The following PUM2 variants were observed in gnomAD, a reference collection of about 807,000 sequenced individuals.
The protein encoded by PUM2 is pumilio RNA binding family member 2.
Under a neutral mutation model 124.5 loss-of-function variants are expected in PUM2, and 57 were observed. That is an observed-to-expected ratio of 0.46 (90% CI 0.37 to 0.57). The LOEUF is 0.57. Ranked by LOEUF, PUM2 falls within the 20% of genes least tolerant of loss-of-function variation. The pLI is 0.00. For synonymous variants in PUM2, 460 were observed against 446.1 expected, an observed-to-expected ratio of 1.03 and a Z score of -0.39; for missense variants, 1,065 against 1,290.6, an observed-to-expected ratio of 0.83 and a Z score of 2.68.
Position 20,350,662 on chromosome 2 carries a change from C to G in PUM2, c.-84G>C, listed in dbSNP as rs1246554916. The stretch of plus-strand genomic sequence containing the variant: ...CCGTTGGGCACACGGCGGCGTCGCT[C>G]TTGGCGGTCCTCCCCCTCCTCCGCC... On this transcript the variant is annotated 5_prime_UTR_variant, in exon 1 of 21. Transcript: ENST00000361078. The G allele has an allele frequency of 1.0e-6, 1 of 985,386 alleles. No homozygotes were observed. The highest frequency in any genetic ancestry group is 1.2e-6 in the Non-Finnish European group (1 of 830,034). 61.0% of individuals were successfully genotyped at this position (985,386 alleles called of 1,614,324 possible).
intron 10 of PUM2, among the ~76,000 whole-genome samples, chr2:20,286,304 T>C (rs1446910755): frequency 1.3e-5 from 2 of 152,210 alleles, no homozygotes; most frequent in East Asian, 1.9e-4. Flanking sequence ...AGAAAGGTAG[T>C]TGAATTCGGA....
chr2:20,339,881 G>GAA (rs974006446), intron 1 of PUM2, among the ~76,000 whole-genome samples: 4 of 151,926 alleles, frequency 2.6e-5, no homozygotes, highest in Non-Finnish European at 4.4e-5. Flanking sequence ...GGCGATGAGT[G>GAA]AAACTCCATC....
chr2:20,273,218 A>G (rs1017377931), intron 13 of PUM2, among the ~76,000 whole-genome samples: 1 of 152,250 alleles, frequency 6.6e-6, no homozygotes, highest in Non-Finnish European at 1.5e-5. Flanking sequence ...TGTGCTGACT[A>G]TGCAAAGTAT....
At chr2:20,291,834 C>A (rs1674173887) in intron 9 of PUM2, among the ~76,000 whole-genome samples, 2 of 152,078 alleles carry the variant, frequency 1.3e-5, no homozygotes, top group Non-Finnish European at 2.9e-5. Context: ...TGTTTGTCGC[C>A]CATTTGGTGA....
intron 1 of PUM2, among the ~76,000 whole-genome samples, chr2:20,334,258 G>A (rs1248571994): frequency 6.6e-6 from 1 of 152,130 alleles, no homozygotes. Flanking sequence ...ACTGCAGTGA[G>A]CCATGGTCCG....
intron 20 of PUM2, among the ~76,000 whole-genome samples, chr2:20,251,943 T>G (rs1663466610): frequency 6.6e-6 from 1 of 152,168 alleles, no homozygotes; most frequent in South Asian, 2.1e-4. Context: ...CTATGTCACG[T>G]GGAAACAGGC....
In PUM2 at chr2:20,251,509, T is replaced by C. The variant is rs1391679268; in HGVS notation, c.*76A>G. 11 of 1,471,676 alleles carry C rather than the reference T, an allele frequency of 7.5e-6. No individual in the cohort carries two copies. The highest frequency in any genetic ancestry group is 9.2e-6 in the Non-Finnish European group (10 of 1,087,130). The allele number at this position is 1,471,676 out of a possible 1,614,324, so 91.2% of individuals were successfully genotyped here. On this transcript the variant is annotated 3_prime_UTR_variant, in exon 21 of 21. Transcript: ENST00000361078. The stretch of plus-strand genomic sequence containing the variant: ...AAAAAATTGAAGATTCATAGTTGAG[T>C]TGTGTTTTGATAATTCACACACAAA...
At chr2:20,300,038 G>A (rs570907485) in intron 7 of PUM2, among the ~76,000 whole-genome samples, 1 of 152,344 alleles carries the variant, frequency 6.6e-6, no homozygotes, top group East Asian at 1.9e-4. Flanking sequence ...AGAGAGAATA[G>A]ACTCTGTTCC....
At chr2:20,268,218 G>A (rs1476008728) in intron 13 of PUM2, among the ~76,000 whole-genome samples, 1 of 152,102 alleles carries the variant, frequency 6.6e-6, no homozygotes, top group Non-Finnish European at 1.5e-5. Context: ...CCACCTGAAG[G>A]ATATTCTGAT....
intron 12 of PUM2, among the ~76,000 whole-genome samples, chr2:20,281,549 C>A (rs1671527595): frequency 6.6e-6 from 1 of 152,118 alleles, no homozygotes; most frequent in Non-Finnish European, 1.5e-5. Flanking sequence ...TTTTATGTTA[C>A]TTGTTCTTCC....
intron 1 of PUM2, among the ~76,000 whole-genome samples, chr2:20,344,475 C>A (rs975696152): frequency 1.3e-5 from 2 of 152,198 alleles, no homozygotes; most frequent in Non-Finnish European, 2.9e-5. Context: ...TCTATATCTT[C>A]CTAAATTATA....
In PUM2 at chr2:20,308,345, A is replaced by G. The variant is rs752060477; in HGVS notation, c.758T>C (p.Val253Ala). ...QVPMDSSGAT[V>A]GLFDYNSQQQ... is the part of the protein sequence containing the mutation. ...CTGGGAATTGTAGTCAAAAAGGCCTACAGTAGCTCCTGAAGAGTCCATTGG... is the reference window on the plus strand; with the variant it reads ...CTGGGAATTGTAGTCAAAAAGGCCTGCAGTAGCTCCTGAAGAGTCCATTGG... The change falls in exon 6 of 21, where the codon GTA (valine) becomes GCA (alanine). Residue 253 changes from valine (V) to alanine (A), a missense_variant. Val to Ala is a moderately conservative substitution (Grantham distance 64). This residue lies in a region of PUM2 where 968 missense variants were observed against 1,159.8 expected (regional missense o/e 0.83). Transcript: ENST00000361078. 6.2e-7 allele frequency: 1 copy of G among 1,614,010 alleles called. No individual in the cohort carries two copies. The highest frequency in any genetic ancestry group is 1.3e-5 in the African/African-American group (1 of 75,060).
chr2:20,311,491 T>C lies in PUM2; in HGVS notation c.518+3A>G. The C allele has an allele frequency of 6.2e-7, 1 of 1,601,850 alleles. No individual in the cohort carries two copies. Among genetic ancestry groups the C allele is most frequent in the Non-Finnish European group, 8.5e-7 (1 of 1,175,226 alleles). On this transcript the variant is annotated splice_donor_region_variant and intron_variant, in intron 5 of 20. Coordinates refer to ENST00000361078, the MANE Select transcript of PUM2 (RefSeq NM_015317.5). The stretch of plus-strand genomic sequence containing the variant: ...TTTCTTCTTGAGAAAGTTAAAATCT[T>C]ACTTAAAATCTTTGCAATCGGCATC...
intron 7 of PUM2, 95 bp from the exon 8 acceptor site, chr2:20,297,773 T>G: frequency 9.9e-6 from 12 of 1,215,784 alleles, no homozygotes; most frequent in East Asian, 2.6e-5. Flanking sequence ...TGGGGTGGTG[T>G]GGGGGTGGGG....
At chr2:20,345,322 C>A (rs1353839820) in intron 1 of PUM2, among the ~76,000 whole-genome samples, 2 of 151,942 alleles carry the variant, frequency 1.3e-5, no homozygotes, top group Admixed American at 1.3e-4. Context: ...GCTGGCCAGG[C>A]TGGTCTTGAA....
intron 1 of PUM2, among the ~76,000 whole-genome samples, chr2:20,329,621 C>G (rs1361101834): frequency 6.6e-6 from 1 of 152,090 alleles, no homozygotes; most frequent in African/African-American, 2.4e-5. Context: ...AAATGGCAAG[C>G]TCTGACTAGA....
chr2:20,300,136 C>T (rs1184047699), intron 7 of PUM2, among the ~76,000 whole-genome samples: 1 of 149,924 alleles, frequency 6.7e-6, no homozygotes, highest in Non-Finnish European at 1.5e-5. Context: ...CAGCCTGAAC[C>T]AGTCCTTCAG....
chr2:20,302,967 C>T (rs1444157529), intron 7 of PUM2, among the ~76,000 whole-genome samples: 1 of 152,152 alleles, frequency 6.6e-6, no homozygotes. Context: ...TTTGCACATG[C>T]GACCCATCAG....
At chr2:20,267,012 C>T (rs1667812294) in intron 13 of PUM2, among the ~76,000 whole-genome samples, 1 of 151,360 alleles carries the variant, frequency 6.6e-6, no homozygotes, top group African/African-American at 2.4e-5. Flanking sequence ...GAGTAAGGGA[C>T]ATCATGCCTG....
Sources: gnomAD v4.1 joint callset for allele counts (sites outside exome capture counted in the v4.1 genomes callset) on GRCh38, gnomAD v4.1.1 for gene constraint, gnomAD v4.1.1 regional missense constraint, MANE v1.5 for transcripts, NCBI Gene and HGNC (gene_info 2026-07-23, HGNC 2026-07-21) for gene names.